The following UBE2E2 variants were observed in gnomAD, a reference collection of about 807,000 sequenced individuals.
UBE2E2 encodes the protein ubiquitin-conjugating enzyme E2 E2.
In UBE2E2, 6 loss-of-function variants were observed where a neutral mutation model predicts 24.7. The observed-to-expected ratio is 0.24, with a 90% confidence interval of 0.13 to 0.48. The LOEUF (loss-of-function observed/expected upper bound fraction) is 0.48. Ranked by LOEUF, UBE2E2 falls within the 20% of genes least tolerant of loss-of-function variation. The pLI, the probability that UBE2E2 is intolerant of heterozygous loss-of-function variation, is 0.99. For missense variants in UBE2E2, 169 were observed against 245.0 expected (o/e 0.69, Z 2.07); for synonymous variants, 104 against 83.6 (o/e 1.24, Z -1.33).
At position 23,556,453 on chromosome 3, in the gene UBE2E2, T is replaced by TAAAAAAAAAAAAAA. The variant is rs1321819270; in HGVS notation, c.508+23752_508+23753insAAAAAAAAAAAAAA. On this transcript the variant is annotated intron_variant, in intron 5 of 5. Coordinates refer to ENST00000396703, the MANE Select transcript of UBE2E2 (RefSeq NM_152653.4). ...ACCATGCCCAGCCAATAAAATTTAT[T>TAAAAAAAAAAAAAA]TAAAAAAAAAAAAAAAAAAGCTATA... is the stretch of plus-strand genomic sequence containing the variant. Among the ~76,000 whole-genome samples, 5 of 69,004 alleles carry TAAAAAAAAAAAAAA rather than the reference T, an allele frequency of 7.2e-5. No homozygotes were observed. The East Asian group carries it at 1.7e-3, about 24-fold the overall frequency. 45.3% of individuals were successfully genotyped at this position (69,004 alleles called of 152,430 possible). A position where few individuals can be genotyped will look rare whatever the true frequency, so the allele number is the denominator to read the frequency against.
At chr3:23,587,676 T>A (rs1463086062) in intron 5 of UBE2E2, among the ~76,000 whole-genome samples, 3 of 152,246 alleles carry the variant, frequency 2.0e-5, no homozygotes, top group Admixed American at 2.0e-4. Flanking sequence ...CTAATGTCAT[T>A]ACTTAAGCTC....
intron 3 of UBE2E2, among the ~76,000 whole-genome samples, chr3:23,260,730 C>T (rs1315994947): frequency 3.3e-5 from 5 of 152,014 alleles, no homozygotes; most frequent in Non-Finnish European, 7.4e-5. Flanking sequence ...GAGGTCGAGG[C>T]TGTGGTAAGC....
intron 3 of UBE2E2, among the ~76,000 whole-genome samples, chr3:23,224,426 A>G (rs1363610547): frequency 6.6e-6 from 1 of 151,814 alleles, no homozygotes; most frequent in African/African-American, 2.4e-5. Flanking sequence ...GCTATTGTAA[A>G]TAGGATTGCT....
chr3:23,330,092 G>A (rs557955769), intron 3 of UBE2E2, among the ~76,000 whole-genome samples: 10 of 152,292 alleles, frequency 6.6e-5, no homozygotes, highest in African/African-American at 1.7e-4. Flanking sequence ...AGAAACACTC[G>A]AGAAGCTAGC....
At chr3:23,435,675 A>T (rs1410355463) in intron 3 of UBE2E2, among the ~76,000 whole-genome samples, 1 of 152,180 alleles carries the variant, frequency 6.6e-6, no homozygotes, top group Non-Finnish European at 1.5e-5. Flanking sequence ...CCATGGAAGG[A>T]TGTGATTGGC....
At chr3:23,571,949 T>A (rs569674824) in intron 5 of UBE2E2, among the ~76,000 whole-genome samples, 2,241 of 152,276 alleles carry the variant, frequency 0.015, 59 homozygotes, top group African/African-American at 0.05. Flanking sequence ...TCATGTTTTA[T>A]GTTGGACTCC....
chr3:23,338,329 G>GA (rs906215557), intron 3 of UBE2E2, among the ~76,000 whole-genome samples: 1 of 151,912 alleles, frequency 6.6e-6, no homozygotes, highest in African/African-American at 2.4e-5. Flanking sequence ...TTTAACATCA[G>GA]AAAAAAAGAG....
chr3:23,265,176 G>C (rs1698012266), intron 3 of UBE2E2, among the ~76,000 whole-genome samples: 1 of 152,178 alleles, frequency 6.6e-6, no homozygotes, highest in African/African-American at 2.4e-5. Flanking sequence ...TATGAAGAAG[G>C]AACGAATGGA....
intron 3 of UBE2E2, among the ~76,000 whole-genome samples, chr3:23,220,003 T>C (rs1392407781): frequency 6.6e-6 from 1 of 152,158 alleles, no homozygotes; most frequent in Non-Finnish European, 1.5e-5. Context: ...TTAGGTGATA[T>C]CTAGTTAAGC....
intron 5 of UBE2E2, among the ~76,000 whole-genome samples, chr3:23,546,235 C>G (rs1004779642): frequency 6.6e-6 from 1 of 152,106 alleles, no homozygotes; most frequent in African/African-American, 2.4e-5. Flanking sequence ...TGAAAATTCT[C>G]TTCAGTTTAT....
intron 3 of UBE2E2, among the ~76,000 whole-genome samples, chr3:23,346,182 G>A (rs888289078): frequency 1.3e-5 from 2 of 152,168 alleles, no homozygotes; most frequent in Non-Finnish European, 2.9e-5. Flanking sequence ...CTCAGAGCCT[G>A]TTGAATTTCA....
intron 3 of UBE2E2, among the ~76,000 whole-genome samples, chr3:23,295,206 C>T (rs1464051003): frequency 6.6e-6 from 1 of 152,154 alleles, no homozygotes; most frequent in Non-Finnish European, 1.5e-5. Context: ...TTCTAGTGTC[C>T]ATTCTTGCTC....
At chr3:23,551,218 T>C (rs1695635184) in intron 5 of UBE2E2, among the ~76,000 whole-genome samples, 1 of 152,140 alleles carries the variant, frequency 6.6e-6, no homozygotes, top group African/African-American at 2.4e-5. Context: ...GAAAAGAGAA[T>C]TCATAACCAG....
chr3:23,304,218 G>T (rs926468958), intron 3 of UBE2E2, among the ~76,000 whole-genome samples: 13 of 152,160 alleles, frequency 8.5e-5, no homozygotes, highest in African/African-American at 3.1e-4. Flanking sequence ...TGAAATTATA[G>T]CAGAAGGGGT....
intron 3 of UBE2E2, among the ~76,000 whole-genome samples, chr3:23,381,026 G>A (rs1575596044): frequency 6.6e-6 from 1 of 152,186 alleles, no homozygotes; most frequent in East Asian, 1.9e-4. Context: ...GCCATTGATA[G>A]TGTTGTTAAT....
chr3:23,585,598 T>C (rs971057956), intron 5 of UBE2E2, among the ~76,000 whole-genome samples: 6 of 152,174 alleles, frequency 3.9e-5, no homozygotes, highest in African/African-American at 1.2e-4. Context: ...AACATGCTCC[T>C]CTTTTCAAAA....
chr3:23,559,617 T>C lies in UBE2E2; in HGVS notation c.508+26916T>C, dbSNP rs572785108. On this transcript the variant is annotated intron_variant, in intron 5 of 5. Coordinates refer to ENST00000396703, the MANE Select transcript of UBE2E2 (RefSeq NM_152653.4). Reference sequence around the variant, plus strand: ...GAGCAGCTTATCCTCCCTCCCCCACTCCTTTCCTTTCTTTCTTTCTTTTTG... The same window carrying C: ...GAGCAGCTTATCCTCCCTCCCCCACCCCTTTCCTTTCTTTCTTTCTTTTTG... 3.9e-5 allele frequency among the ~76,000 whole-genome samples: 6 copies of C among 152,272 alleles called. No homozygotes were observed. The East Asian group carries it at 1.2e-3, about 29-fold the overall frequency.
At chr3:23,406,060 A>G (rs1697350511) in intron 3 of UBE2E2, among the ~76,000 whole-genome samples, 2 of 152,380 alleles carry the variant, frequency 1.3e-5, no homozygotes, top group Admixed American at 1.3e-4. Context: ...TAAATGAAAA[A>G]TTAAAACAAT....
chr3:23,511,413 G>A (rs1410967796), intron 4 of UBE2E2, among the ~76,000 whole-genome samples: 1 of 152,196 alleles, frequency 6.6e-6, no homozygotes, highest in Non-Finnish European at 1.5e-5. Flanking sequence ...GACCAGGTAG[G>A]GATATGTTGC....
Sources: allele counts gnomAD v4.1 joint callset (sites outside exome capture counted in the v4.1 genomes callset), GRCh38; gene constraint gnomAD v4.1.1; transcripts MANE v1.5; gene names NCBI Gene and HGNC (gene_info 2026-07-23, HGNC 2026-07-21).